The following ROBO1 variants were observed in gnomAD, a reference collection of about 807,000 sequenced individuals.
ROBO1 encodes roundabout guidance receptor 1.
A neutral mutation model predicts 195.9 loss-of-function variants in ROBO1; 149 were observed. The ratio of observed to expected loss-of-function variants is 0.76; its 90% CI spans 0.67 to 0.87. The LOEUF (loss-of-function observed/expected upper bound fraction) is 0.87, where lower values mean the gene tolerates loss of function less well. ROBO1 is among the 40% of genes least tolerant of loss of function. The pLI is 0.00. For synonymous variants in ROBO1, 816 were observed against 733.2 expected (o/e 1.11, Z -1.82); for missense variants, 1,933 against 2,068.3 (o/e 0.93, Z 1.27).
chr3:78,874,643 C>A (rs753141059), intron 4 of ROBO1, among the ~76,000 whole-genome samples: 1 of 151,352 alleles, frequency 6.6e-6, no homozygotes, highest in African/African-American at 2.4e-5. Context: ...ATTATTAGCT[C>A]AAAAACATTT....
intron 2 of ROBO1, among the ~76,000 whole-genome samples, chr3:79,508,587 AC>A (rs1353255183): frequency 5.3e-5 from 8 of 152,172 alleles, no homozygotes; most frequent in African/African-American, 1.4e-4. Flanking sequence ...AGCAATTTCC[AC>A]CAAAAACCTT....
chr3:79,739,580 A>T (rs1576304512), intron 1 of ROBO1, among the ~76,000 whole-genome samples: 1 of 152,274 alleles, frequency 6.6e-6, no homozygotes, highest in East Asian at 1.9e-4. Context: ...TCAATTAGCA[A>T]ATGGAGGCTA....
At chr3:79,657,029 T>C (rs531848237) in intron 1 of ROBO1, among the ~76,000 whole-genome samples, 1 of 152,266 alleles carries the variant, frequency 6.6e-6, no homozygotes, top group South Asian at 2.1e-4. Flanking sequence ...ACAATCTTAG[T>C]ATGTCAGATT....
At chr3:78,966,478 T>C (rs899905350) in intron 3 of ROBO1, among the ~76,000 whole-genome samples, 12 of 152,208 alleles carry the variant, frequency 7.9e-5, no homozygotes, top group African/African-American at 2.7e-4. Context: ...AGCCCACTTC[T>C]GATCTACTAA....
At chr3:79,357,938 G>C (rs2035621439) in intron 2 of ROBO1, among the ~76,000 whole-genome samples, 1 of 152,120 alleles carries the variant, frequency 6.6e-6, no homozygotes, top group Non-Finnish European at 1.5e-5. Context: ...TTAATGGGGG[G>C]ATAGCATTTT....
chr3:79,518,543 G>A (rs920165888), intron 2 of ROBO1, among the ~76,000 whole-genome samples: 2 of 152,174 alleles, frequency 1.3e-5, no homozygotes, highest in Non-Finnish European at 2.9e-5. Context: ...TGAAACAACA[G>A]TAAGTTAGAA....
intron 4 of ROBO1, among the ~76,000 whole-genome samples, chr3:78,882,726 A>G (rs1265543159): frequency 6.6e-6 from 1 of 151,208 alleles, no homozygotes; most frequent in African/African-American, 2.4e-5. Flanking sequence ...TATATATTTA[A>G]TTCGTTTACT....
rs144881866 is a variant in ROBO1, at chr3:79,519,862, A to G, written c.88+69962T>C. ...ATAATTAAATTGATCTTAAACTTCA[A>G]TTAAGAGACCTTGCAGCTGGGCACC... On this transcript the variant is annotated intron_variant, in intron 2 of 30. Transcript: ENST00000464233. 4.2e-3 allele frequency among the ~76,000 whole-genome samples: 645 copies of G among 152,070 alleles called. 9 individuals are homozygous for G. The highest frequency in any genetic ancestry group is 0.015 in the African/African-American group (627 of 41,488).
At chr3:79,671,462 C>T (rs1428672837) in intron 1 of ROBO1, among the ~76,000 whole-genome samples, 5 of 151,756 alleles carry the variant, frequency 3.3e-5, no homozygotes, top group Non-Finnish European at 7.4e-5. Flanking sequence ...TTTATAAAAG[C>T]CCCAACTCAA....
chr3:78,948,770 G>A (rs966177428), intron 3 of ROBO1, among the ~76,000 whole-genome samples: 7 of 152,096 alleles, frequency 4.6e-5, no homozygotes, highest in Non-Finnish European at 8.8e-5. Context: ...AAACCCCATC[G>A]TCTCAGCCCA....
At chr3:79,128,357 G>C (rs2080257071) in intron 2 of ROBO1, among the ~76,000 whole-genome samples, 1 of 152,016 alleles carries the variant, frequency 6.6e-6, no homozygotes, top group Non-Finnish European at 1.5e-5. Flanking sequence ...AATTCCTGAG[G>C]ATCAGGTATT....
At chr3:78,616,707 T>A (rs1704135265) in intron 27 of ROBO1, among the ~76,000 whole-genome samples, 1 of 152,128 alleles carries the variant, frequency 6.6e-6, no homozygotes, top group Non-Finnish European at 1.5e-5. Context: ...TTCTTGCTGA[T>A]CATTTCACTC....
At chr3:79,258,269 C>A (rs768797282) in intron 2 of ROBO1, among the ~76,000 whole-genome samples, 1 of 152,108 alleles carries the variant, frequency 6.6e-6, no homozygotes, top group African/African-American at 2.4e-5. Context: ...TCTATGCTAT[C>A]AATTATTTTT....
Position 78,618,032 on chromosome 3 carries a change from A to G in ROBO1, c.3885T>C (p.Pro1295=). 1.2e-6 allele frequency: 2 copies of G among 1,611,616 alleles called. No homozygotes were observed. Among genetic ancestry groups the G allele is most frequent in the Non-Finnish European group, 1.7e-6 (2 of 1,178,606 alleles). The change falls in exon 27 of 31, where the codon CCT becomes CCC. Residue 1295 remains proline (P), a synonymous_variant. Transcript: ENST00000464233. ...MQHQPDRRRQ[P]VSPPPPPRPI... ...GCCGTGGTGGTGGAGGAGGACTCAC[A>G]GGCTGCCGTCTGTATGAAGATGAAT...
intron 2 of ROBO1, among the ~76,000 whole-genome samples, chr3:79,217,053 T>C (rs965482857): frequency 6.6e-6 from 1 of 152,100 alleles, no homozygotes; most frequent in South Asian, 2.1e-4. Context: ...AAACACTTTA[T>C]CCAATCTTTT....
chr3:79,192,062 T>C (rs2081550635), intron 2 of ROBO1, among the ~76,000 whole-genome samples: 2 of 151,660 alleles, frequency 1.3e-5, no homozygotes, highest in African/African-American at 4.8e-5. Flanking sequence ...TGTTTCCTTA[T>C]TTTTAGGTTA....
chr3:79,098,266 T>C (rs1207827097), intron 3 of ROBO1, among the ~76,000 whole-genome samples: 1 of 151,832 alleles, frequency 6.6e-6, no homozygotes, highest in East Asian at 1.9e-4. Context: ...TTAACTGGGG[T>C]TCCTGATGTG....
At chr3:79,438,226 A>C (rs1000104239) in intron 2 of ROBO1, among the ~76,000 whole-genome samples, 5 of 151,936 alleles carry the variant, frequency 3.3e-5, no homozygotes, top group African/African-American at 9.7e-5. Flanking sequence ...TTATTTGTAT[A>C]GTCTTAGAAG....
intron 4 of ROBO1, among the ~76,000 whole-genome samples, chr3:78,788,958 T>C (rs529051830): frequency 3.0e-4 from 45 of 152,256 alleles, no homozygotes; most frequent in Non-Finnish European, 5.7e-4. Context: ...TGTAGAAAAT[T>C]ACCCCCAGAA....
Sources: gnomAD v4.1 joint callset for allele counts (sites outside exome capture counted in the v4.1 genomes callset) on GRCh38, gnomAD v4.1.1 for gene constraint, MANE v1.5 for transcripts, NCBI Gene and HGNC (gene_info 2026-07-23, HGNC 2026-07-21) for gene names.